The following GAS7 variants were observed in gnomAD, a reference collection of about 807,000 sequenced individuals.
GAS7 encodes growth arrest-specific protein 7.
GAS7 carries 28 observed loss-of-function variants against 71.1 expected under a neutral mutation model. That is an observed-to-expected ratio of 0.39 (90% CI 0.29 to 0.54). The LOEUF is 0.54. Ranked by LOEUF, GAS7 falls within the 20% of genes least tolerant of loss-of-function variation. The pLI, the probability that GAS7 is intolerant of heterozygous loss-of-function variation, is 0.62. For synonymous variants in GAS7, 258 were observed against 245.8 expected (o/e 1.05, Z -0.46); for missense variants, 436 against 627.8 (o/e 0.69, Z 3.27).
At chr17:10,009,671 C>CAAAAAAAAAAAAAAAAACAAAAA (rs2071685850) in intron 2 of GAS7, among the ~76,000 whole-genome samples, 1 of 78,276 alleles carries the variant, frequency 1.3e-5, no homozygotes, top group Non-Finnish European at 2.7e-5. Flanking sequence ...GACCCCTTCT[C>CAAAAAAAAAAAAAAAAACAAAAA]AAAAAAAAAA....
chr17:9,926,588 T>C lies in GAS7; in HGVS notation c.1014+53A>G. On this transcript the variant is annotated intron_variant, in intron 10 of 13. Transcript: ENST00000432992. The surrounding 1 kb of genome is among the most constrained non-coding windows in gnomAD (Gnocchi z 5.0). ...ACTGCTGGCTTCCCAGTCCCCCTTC[T>C]TCCAGGCAGTCCCCCATGCACCTGC... 4 of 1,593,792 alleles carry C rather than the reference T, an allele frequency of 2.5e-6. No homozygotes were observed. The highest frequency in any genetic ancestry group is 3.4e-6 in the Non-Finnish European group (4 of 1,167,520).
intron 10 of GAS7, among the ~76,000 whole-genome samples, chr17:9,925,998 C>G (rs1235152969): frequency 6.6e-6 from 1 of 152,078 alleles, no homozygotes; most frequent in African/African-American, 2.4e-5. Context: ...CGTTCTGGAG[C>G]TGGACAAGCC....
intron 1 of GAS7, among the ~76,000 whole-genome samples, chr17:10,132,220 T>G (rs917750822): frequency 6.6e-6 from 1 of 152,222 alleles, no homozygotes; most frequent in East Asian, 1.9e-4. Flanking sequence ...CCCCTTTTGT[T>G]TCCTAAACAT....
chr17:9,925,611 G>C lies in GAS7; in HGVS notation c.1015-12C>G, dbSNP rs77021150. On this transcript the variant is annotated splice_polypyrimidine_tract_variant and intron_variant, in intron 10 of 13. Transcript: ENST00000432992. Reference sequence around the variant, plus strand: ...AGGGCTTTCCGGGCCTGGGGTCCAAGGACACGGAGAAGCTGCTCATACAGC... The same window carrying C: ...AGGGCTTTCCGGGCCTGGGGTCCAACGACACGGAGAAGCTGCTCATACAGC... 3.7e-6 allele frequency: 6 copies of C among 1,614,038 alleles called. No individual in the cohort carries two copies. In the South Asian group the frequency reaches 6.6e-5, roughly 18 times the overall value.
intron 1 of GAS7, among the ~76,000 whole-genome samples, chr17:10,079,452 T>C (rs886708420): frequency 2.6e-5 from 4 of 152,190 alleles, no homozygotes; most frequent in Non-Finnish European, 5.9e-5. Context: ...TTATGTCTGA[T>C]AAGAAATACT....
At chr17:10,046,814 AAGGAAGG>A (rs2072971618) in intron 1 of GAS7, among the ~76,000 whole-genome samples, 6 of 131,468 alleles carry the variant, frequency 4.6e-5, no homozygotes, top group African/African-American at 1.8e-4. Context: ...GGAAGGAAGG[AAGGAAGG>A]AAGGAAGGAA....
chr17:10,022,659 G>A (rs574406098), intron 1 of GAS7, among the ~76,000 whole-genome samples: 1 of 152,168 alleles, frequency 6.6e-6, no homozygotes, highest in Admixed American at 6.5e-5. Flanking sequence ...GTAACAATAC[G>A]TAACTCAGCA....
At chr17:10,146,527 A>G (rs1269774637) in intron 1 of GAS7, among the ~76,000 whole-genome samples, 1 of 152,186 alleles carries the variant, frequency 6.6e-6, no homozygotes, top group African/African-American at 2.4e-5. Context: ...ACAGTTGTTC[A>G]AGCCCCACTC....
chr17:10,097,687 C>T (rs2106098), intron 1 of GAS7, among the ~76,000 whole-genome samples: 4,690 of 152,148 alleles, frequency 0.031, 217 homozygotes, highest in African/African-American at 0.11. Context: ...GTATGGCAGG[C>T]ACGACAGGTA....
intron 1 of GAS7, among the ~76,000 whole-genome samples, chr17:10,022,840 C>T (rs2072322225): frequency 6.6e-6 from 1 of 152,180 alleles, no homozygotes; most frequent in Non-Finnish European, 1.5e-5. Flanking sequence ...TCCAATACTA[C>T]CCGACTTGAA....
chr17:9,951,941 C>T (rs1332947606), intron 5 of GAS7, among the ~76,000 whole-genome samples: 1 of 152,034 alleles, frequency 6.6e-6, no homozygotes, highest in South Asian at 2.1e-4. Context: ...CCCCAGCAGG[C>T]CTGTGCAGAC....
intron 1 of GAS7, among the ~76,000 whole-genome samples, chr17:10,040,766 G>A (rs1232047247): frequency 2.6e-5 from 4 of 152,110 alleles, no homozygotes; most frequent in South Asian, 2.1e-4. Flanking sequence ...AGGAGAGGCC[G>A]GGTGACGAAT....
At chr17:10,160,389 A>C (rs2074243552) in intron 1 of GAS7, among the ~76,000 whole-genome samples, 1 of 152,234 alleles carries the variant, frequency 6.6e-6, no homozygotes, top group African/African-American at 2.4e-5. Flanking sequence ...ATTAAATAAA[A>C]CAGTTACAGG....
At chr17:10,171,701 T>C (rs1347060809) in intron 1 of GAS7, among the ~76,000 whole-genome samples, 1 of 152,184 alleles carries the variant, frequency 6.6e-6, no homozygotes, top group Non-Finnish European at 1.5e-5. Context: ...GGTGAAGCAG[T>C]GAAGAACGCT....
chr17:10,057,300 G>A (rs1051479433), intron 1 of GAS7, among the ~76,000 whole-genome samples: 1 of 151,210 alleles, frequency 6.6e-6, no homozygotes, highest in African/African-American at 2.4e-5. Context: ...GCCCAGTCTG[G>A]GAAGTGAGGA....
In GAS7 at chr17:10,015,893, T is replaced by C. The variant is rs180692899; in HGVS notation, c.304+3884A>G. On this transcript the variant is annotated intron_variant, in intron 2 of 13. Transcript: ENST00000432992. ...TCTGTGACATGCTCTTAAAACACCC[T>C]GGACTCCTGCTTCACAACCCTTTCC... is the stretch of plus-strand genomic sequence containing the variant. Among the ~76,000 whole-genome samples, 108 of 152,260 alleles carry C rather than the reference T, an allele frequency of 7.1e-4. 1 individual carries two copies. Among genetic ancestry groups the C allele is most frequent in the Admixed American group, 1.3e-3 (20 of 15,286 alleles).
chr17:9,935,264 A>G (rs1476200623), intron 8 of GAS7, among the ~76,000 whole-genome samples: 1 of 152,206 alleles, frequency 6.6e-6, no homozygotes, highest in Non-Finnish European at 1.5e-5. Context: ...ACAGCTTACT[A>G]GAGAAGGGCC....
At chr17:10,128,399 A>G (rs1283119072) in intron 1 of GAS7, among the ~76,000 whole-genome samples, 2 of 152,108 alleles carry the variant, frequency 1.3e-5, no homozygotes, top group African/African-American at 4.8e-5. Context: ...GGTGGATGGG[A>G]GACCCACAAA....
At chr17:10,085,852 A>C (rs559527903) in intron 1 of GAS7, among the ~76,000 whole-genome samples, 1 of 152,324 alleles carries the variant, frequency 6.6e-6, no homozygotes, top group South Asian at 2.1e-4. Flanking sequence ...ACGCTGAGCA[A>C]GAAAAATGTT....
Sources: gnomAD v4.1 joint callset for allele counts (sites outside exome capture counted in the v4.1 genomes callset) on GRCh38, gnomAD v4.1.1 for gene constraint, Gnocchi (gnomAD v3.1) non-coding constraint, MANE v1.5 for transcripts, NCBI Gene and HGNC (gene_info 2026-07-23, HGNC 2026-07-21) for gene names.